The following GPHN variants were observed in gnomAD, a reference collection of about 807,000 sequenced individuals.
The protein encoded by GPHN is gephyrin.
In GPHN, 17 loss-of-function variants were observed where a neutral mutation model predicts 95.5. The observed-to-expected ratio is 0.18, with a 90% CI of 0.12 to 0.27. The LOEUF (loss-of-function observed/expected upper bound fraction) is 0.27. Ranked by LOEUF, GPHN falls within the 10% of genes least tolerant of loss-of-function variation. The pLI, the probability that GPHN is intolerant of heterozygous loss-of-function variation, is 1.00. For missense variants in GPHN, 660 were observed against 978.1 expected (o/e 0.67, Z 4.34); for synonymous variants, 320 against 322.5 (o/e 0.99, Z 0.08).
chr14:66,883,048 T>C (rs1448455676), intron 5 of GPHN, among the ~76,000 whole-genome samples: 5 of 151,840 alleles, frequency 3.3e-5, no homozygotes, highest in Non-Finnish European at 7.4e-5. Flanking sequence ...TGTAGTTTTC[T>C]TTTAGATTAT....
intron 9 of GPHN, chr14:66,996,029 A>C (rs977527479): frequency 1.8e-6 from 1 of 553,698 alleles, no homozygotes. Context: ...GAGTCTTGAC[A>C]TGTTTTCAAA....
At chr14:66,599,392 A>ATTTCTTTTTTTTTTTTT (rs1555357374) in intron 1 of GPHN, among the ~76,000 whole-genome samples, 1 of 76,524 alleles carries the variant, frequency 1.3e-5, no homozygotes, top group Admixed American at 1.4e-4. Flanking sequence ...TTTTTTTTGC[A>ATTTCTTTTTTTTTTTTT]TTTTTTTTTT....
At chr14:66,661,161 G>A in intron 1 of GPHN, among the ~76,000 whole-genome samples, 1 of 152,164 alleles carries the variant, frequency 6.6e-6, no homozygotes, top group East Asian at 1.9e-4. Context: ...AAGAAGCATT[G>A]ATCTGTGGGC....
intron 12 of GPHN, among the ~76,000 whole-genome samples, chr14:67,099,234 C>G (rs578038600): frequency 1.3e-5 from 2 of 151,930 alleles, no homozygotes; most frequent in Admixed American, 6.6e-5. Context: ...CTCAGCCTCC[C>G]GAGTAGCCGG....
chr14:67,469,672 G>A, the GPHN span, among the ~76,000 whole-genome samples: 4 of 151,950 alleles, frequency 2.6e-5, no homozygotes, highest in Non-Finnish European at 5.9e-5. Context: ...TGGTGGTGGT[G>A]GGAGGACAGG....
chr14:66,742,541 T>C (rs1278017374), intron 2 of GPHN, among the ~76,000 whole-genome samples: 5 of 152,110 alleles, frequency 3.3e-5, no homozygotes, highest in Admixed American at 3.3e-4. Context: ...CCCACCCCCA[T>C]AGTAGAATTG....
intron 2 of GPHN, among the ~76,000 whole-genome samples, chr14:66,766,261 G>T (rs1231552169): frequency 6.6e-6 from 1 of 152,124 alleles, no homozygotes; most frequent in Admixed American, 6.5e-5. Flanking sequence ...GAATTTGAGT[G>T]TCTGAACAAG....
At chr14:66,655,433 T>A (rs959405749) in intron 1 of GPHN, among the ~76,000 whole-genome samples, 1 of 152,128 alleles carries the variant, frequency 6.6e-6, no homozygotes, top group African/African-American at 2.4e-5. Context: ...CAAATGTAAT[T>A]GATTTTCATA....
chr14:67,080,050 A>G (rs1595056934), intron 11 of GPHN, among the ~76,000 whole-genome samples: 1 of 152,130 alleles, frequency 6.6e-6, no homozygotes, highest in East Asian at 1.9e-4. Flanking sequence ...GCTGTGCACA[A>G]GGGTTTCAGT....
At chr14:67,309,620 C>A in the GPHN span, among the ~76,000 whole-genome samples, 1 of 152,126 alleles carries the variant, frequency 6.6e-6, no homozygotes, top group African/African-American at 2.4e-5. Context: ...AAAAGCATCT[C>A]TGGGTGATTT....
chr14:67,052,785 A>C (rs949853591), intron 10 of GPHN, among the ~76,000 whole-genome samples: 2 of 152,218 alleles, frequency 1.3e-5, no homozygotes, highest in Admixed American at 6.5e-5. Flanking sequence ...ACTCAAGGTT[A>C]AGAAACTCAC....
chr14:67,589,428 A>C, the GPHN span: 1 of 985,340 alleles, frequency 1.0e-6, no homozygotes, highest in Non-Finnish European at 1.2e-6. Context: ...TTTTGAACTG[A>C]TATAAAAAAA....
the GPHN span, among the ~76,000 whole-genome samples, chr14:67,638,303 T>A: frequency 1.3e-5 from 2 of 151,980 alleles, no homozygotes; most frequent in Non-Finnish European, 2.9e-5. Context: ...ATGGGAGCAT[T>A]ACTTGAGCCC....
intron 4 of GPHN, among the ~76,000 whole-genome samples, chr14:66,839,893 G>A (rs112754993): frequency 5.6e-4 from 85 of 152,038 alleles, no homozygotes; most frequent in African/African-American, 1.7e-3. Context: ...TTTGTCCTTC[G>A]AGATGGCGCT....
At chr14:67,061,554 A>G (rs547469587) in intron 11 of GPHN, among the ~76,000 whole-genome samples, 1 of 152,078 alleles carries the variant, frequency 6.6e-6, no homozygotes, top group East Asian at 1.9e-4. Flanking sequence ...GGCCCTTTAT[A>G]ATCTGATTTC....
chr14:66,530,771 G>A (rs370128219), intron 1 of GPHN, among the ~76,000 whole-genome samples: 18 of 151,888 alleles, frequency 1.2e-4, no homozygotes, highest in Non-Finnish European at 2.2e-4. Flanking sequence ...GCTTCTGCTC[G>A]CCCTCTGTGG....
At chr14:67,157,097 A>G (rs1415210490) in intron 18 of GPHN, among the ~76,000 whole-genome samples, 1 of 152,062 alleles carries the variant, frequency 6.6e-6, no homozygotes, top group Non-Finnish European at 1.5e-5. Context: ...CATCTTAAAT[A>G]TTATAAAGAC....
At chr14:66,758,532 GC>G (rs2058650806) in intron 2 of GPHN, among the ~76,000 whole-genome samples, 1 of 152,096 alleles carries the variant, frequency 6.6e-6, no homozygotes, top group South Asian at 2.1e-4. Context: ...GAGTTTGATG[GC>G]CTGAAGGCGA....
At chr14:67,548,827 G>A in the GPHN span, among the ~76,000 whole-genome samples, 9 of 152,292 alleles carry the variant, frequency 5.9e-5, no homozygotes, top group Admixed American at 4.6e-4. Flanking sequence ...TGTCACAATC[G>A]CTTGCCAGTT....
Sources: allele counts gnomAD v4.1 joint callset (sites outside exome capture counted in the v4.1 genomes callset), GRCh38; gene constraint gnomAD v4.1.1; transcripts MANE v1.5; gene names NCBI Gene and HGNC (gene_info 2026-07-23, HGNC 2026-07-21).